ZDHHC15: variants seen among roughly 807,000 people sequenced by gnomAD.
ZDHHC15 encodes zDHHC palmitoyltransferase 15, also known as palmitoyltransferase ZDHHC15.
A neutral mutation model predicts 31.7 loss-of-function variants in ZDHHC15; 19 were observed. The observed-to-expected ratio is 0.60, with a 90% confidence interval of 0.42 to 0.88. ZDHHC15 has a LOEUF of 0.88. Ranked by LOEUF, ZDHHC15 falls within the 40% of genes least tolerant of loss-of-function variation. The pLI is 0.00. For synonymous variants in ZDHHC15, 103 were observed against 90.0 expected (o/e 1.14, Z -0.82); for missense variants, 209 against 251.2 (o/e 0.83, Z 1.14).
chrX:75,429,944 A>C lies in ZDHHC15; in HGVS notation c.482+4T>G. On this transcript the variant is annotated splice_donor_region_variant and intron_variant, in intron 6 of 11. Coordinates refer to ENST00000373367, the MANE Select transcript of ZDHHC15 (RefSeq NM_144969.3). ...GAGGAGAGAAATGAATCAAACAGACATACCAAGGGCAGTGATGATCCATTT... is the reference window on the plus strand; with the variant it reads ...GAGGAGAGAAATGAATCAAACAGACCTACCAAGGGCAGTGATGATCCATTT... 8.3e-7 allele frequency: 1 copy of C among 1,209,496 alleles called. No homozygotes were observed. Among genetic ancestry groups the C allele is most frequent in the Non-Finnish European group, 1.1e-6 (1 of 894,108 alleles).
intron 10 of ZDHHC15, among the ~76,000 whole-genome samples, chrX:75,399,126 A>G (rs954403874): frequency 1.8e-5 from 2 of 111,494 alleles, no homozygotes; most frequent in Non-Finnish European, 3.8e-5. Context: ...CAGCAGCCCT[A>G]TGAAAAAGTG....
chrX:75,466,298 G>A (rs2084405186), intron 3 of ZDHHC15, among the ~76,000 whole-genome samples: 1 of 111,920 alleles, frequency 8.9e-6, no homozygotes, highest in Non-Finnish European at 1.9e-5. Flanking sequence ...AGCAACAGAT[G>A]CTGACAAGGT....
chrX:75,399,643 T>A (rs916619633), intron 10 of ZDHHC15, among the ~76,000 whole-genome samples: 26 of 111,318 alleles, frequency 2.3e-4, no homozygotes, highest in African/African-American at 7.5e-4. Context: ...AGCACTAAGA[T>A]CACCCCAGAG....
intron 1 of ZDHHC15, among the ~76,000 whole-genome samples, chrX:75,516,326 C>G (rs796135068): frequency 8.9e-6 from 1 of 112,082 alleles, no homozygotes; most frequent in African/African-American, 3.2e-5. Context: ...TGCTACCTGA[C>G]TTCAAACTAT....
intron 10 of ZDHHC15, among the ~76,000 whole-genome samples, chrX:75,407,949 T>G (rs1465576523): frequency 9.0e-6 from 1 of 111,357 alleles, no homozygotes; most frequent in East Asian, 2.8e-4. Flanking sequence ...CTGTGTCCAC[T>G]CAGGGTTAAA....
intron 10 of ZDHHC15, among the ~76,000 whole-genome samples, chrX:75,414,774 T>G: frequency 4.2e-5 from 1 of 23,665 alleles, no homozygotes; most frequent in Non-Finnish European, 3.1e-4. Flanking sequence ...TACAAGTACG[T>G]TTTTTTTTTG....
chrX:75,415,896 A>T (rs1162306532), intron 10 of ZDHHC15, among the ~76,000 whole-genome samples: 1 of 112,265 alleles, frequency 8.9e-6, no homozygotes, highest in Non-Finnish European at 1.9e-5. Context: ...ATTGTGAATT[A>T]TTTCAAACCA....
chrX:75,376,168 C>G (rs1290465369), intron 11 of ZDHHC15, among the ~76,000 whole-genome samples: 2 of 109,653 alleles, frequency 1.8e-5, no homozygotes, highest in African/African-American at 6.6e-5. Context: ...TGATGATGAG[C>G]ATTTTTTTTC....
At chrX:75,455,353 G>A (rs1228169850) in intron 3 of ZDHHC15, among the ~76,000 whole-genome samples, 1 of 111,355 alleles carries the variant, frequency 9.0e-6, no homozygotes, top group South Asian at 3.7e-4. Context: ...CTTACACCTT[G>A]TACAAAAATT....
chrX:75,432,192 C>T (rs866031395), intron 4 of ZDHHC15, among the ~76,000 whole-genome samples: 28 of 110,900 alleles, frequency 2.5e-4, no homozygotes, highest in South Asian at 1.2e-3. Context: ...TTCCTCCTTC[C>T]CTCCCTCCTT....
chrX:75,497,046 A>G (rs1240374677), intron 2 of ZDHHC15, among the ~76,000 whole-genome samples: 1 of 111,950 alleles, frequency 8.9e-6, no homozygotes, highest in Admixed American at 9.5e-5. Context: ...ATAAAACAAA[A>G]AGCTAGATAT....
intron 10 of ZDHHC15, among the ~76,000 whole-genome samples, chrX:75,408,679 C>T (rs2083447956): frequency 8.9e-6 from 1 of 112,212 alleles, no homozygotes; most frequent in South Asian, 3.6e-4. Context: ...TTGCAGATGA[C>T]CTGATATTTA....
intron 2 of ZDHHC15, among the ~76,000 whole-genome samples, chrX:75,484,541 A>C (rs967571648): frequency 2.7e-5 from 3 of 112,009 alleles, no homozygotes; most frequent in Non-Finnish European, 5.6e-5. Flanking sequence ...TATCACCACC[A>C]CCAACAAAAA....
chrX:75,444,713 A>ACACACAC (rs2084008993), intron 4 of ZDHHC15, among the ~76,000 whole-genome samples: 1 of 57,586 alleles, frequency 1.7e-5, no homozygotes, highest in African/African-American at 6.8e-5. Flanking sequence ...CACACACACA[A>ACACACAC]ATTTATGTAG....
chrX:75,394,234 C>T (rs1325453049), intron 10 of ZDHHC15, among the ~76,000 whole-genome samples: 3 of 110,297 alleles, frequency 2.7e-5, no homozygotes, highest in African/African-American at 9.9e-5. Flanking sequence ...TTAAAACATA[C>T]CACAAGAGAA....
chrX:75,385,721 C>A (rs916171892), intron 10 of ZDHHC15, among the ~76,000 whole-genome samples: 1 of 111,122 alleles, frequency 9.0e-6, no homozygotes, highest in Non-Finnish European at 1.9e-5. Flanking sequence ...TACCTTTGGC[C>A]TCTGCATTCC....
intron 2 of ZDHHC15, among the ~76,000 whole-genome samples, chrX:75,498,196 G>A (rs908442512): frequency 1.6e-4 from 18 of 110,693 alleles, no homozygotes; most frequent in Non-Finnish European, 3.0e-4. Context: ...GCCTCCCAAA[G>A]TGCTGGGATT....
At chrX:75,426,732 G>T (rs1230931464) in intron 7 of ZDHHC15, among the ~76,000 whole-genome samples, 1 of 111,376 alleles carries the variant, frequency 9.0e-6, no homozygotes, top group Non-Finnish European at 1.9e-5. Flanking sequence ...TTGGTCTTCT[G>T]AATTCTTTAA....
intron 3 of ZDHHC15, among the ~76,000 whole-genome samples, chrX:75,476,804 A>C (rs911290056): frequency 6.6e-5 from 7 of 106,049 alleles, no homozygotes; most frequent in African/African-American, 2.4e-4. Context: ...GTCTAGCTAA[A>C]TAAAGGTTTG....
Sources: gnomAD v4.1 joint callset for allele counts (sites outside exome capture counted in the v4.1 genomes callset) on GRCh38, gnomAD v4.1.1 for gene constraint, MANE v1.5 for transcripts, NCBI Gene and HGNC (gene_info 2026-07-23, HGNC 2026-07-21) for gene names.